The following CPSF4L variants were observed in gnomAD, a reference collection of about 807,000 sequenced individuals.
CPSF4L encodes cleavage and polyadenylation specific factor 4 like, also known as putative cleavage and polyadenylation specificity factor subunit 4-like protein.
Under a neutral mutation model 24.0 loss-of-function variants are expected in CPSF4L, and 18 were observed. The observed-to-expected ratio is 0.75, with a 90% CI of 0.52 to 1.11. The LOEUF (loss-of-function observed/expected upper bound fraction) is 1.11, where lower values mean the gene tolerates loss of function less well. Among genes scored for constraint, CPSF4L ranks in the 50% least tolerant of loss-of-function variants. The pLI is 0.00. For missense variants in CPSF4L, 211 were observed against 221.8 expected, an observed-to-expected ratio of 0.95 and a Z score of 0.31; for synonymous variants, 72 against 77.2, an observed-to-expected ratio of 0.93 and a Z score of 0.35.
chr17:73,258,548 C>T (rs901745318), intron 2 of CPSF4L, among the ~76,000 whole-genome samples: 13 of 151,990 alleles, frequency 8.6e-5, no homozygotes, highest in South Asian at 4.2e-4. Flanking sequence ...GTGATCCATC[C>T]GCCTCAGCCT....
chr17:73,255,751 A>G (rs1214429319), intron 3 of CPSF4L, among the ~76,000 whole-genome samples: 2 of 151,952 alleles, frequency 1.3e-5, no homozygotes, highest in Non-Finnish European at 2.9e-5. Flanking sequence ...AAGTGACATC[A>G]CCCCCTAGGT....
chr17:73,248,250 G>GA (rs2061979092), downstream of CPSF4L: 2 of 492,578 alleles, frequency 4.1e-6, no homozygotes. Flanking sequence ...AGACTCCTCA[G>GA]AACGAATAGT....
chr17:73,246,806 TTTTAG>T (rs1381938025), downstream of CPSF4L, among the ~76,000 whole-genome samples: 1 of 152,190 alleles, frequency 6.6e-6, no homozygotes, highest in Non-Finnish European at 1.5e-5. Flanking sequence ...CATTCAGTTA[TTTTAG>T]TTTAATATTA....
chr17:73,245,254 A>G (rs2061933329), downstream of CPSF4L: 5 of 1,599,830 alleles, frequency 3.1e-6, no homozygotes, highest in East Asian at 2.2e-5. Flanking sequence ...GACGACTGCA[A>G]TACATACTTA....
chr17:73,244,408 C>G (rs2061908307), downstream of CPSF4L: 1 of 151,960 alleles, frequency 6.6e-6, no homozygotes, highest in South Asian at 2.1e-4. Context: ...ACTAAAAATA[C>G]AAAGATTAGC....
downstream of CPSF4L, chr17:73,247,342 G>A: frequency 6.2e-7 from 1 of 1,614,118 alleles, no homozygotes; most frequent in Non-Finnish European, 8.5e-7. Flanking sequence ...TTTGGATTAG[G>A]AAGCACGTTT....
chr17:73,251,918 T>C (rs1253957575), intron 5 of CPSF4L, among the ~76,000 whole-genome samples: 5 of 152,246 alleles, frequency 3.3e-5, no homozygotes, highest in Non-Finnish European at 7.3e-5. Flanking sequence ...AGGAAAGCCT[T>C]GGACTGGTCA....
downstream of CPSF4L, chr17:73,247,956 G>A (rs2061974874): frequency 1.3e-5 from 2 of 154,096 alleles, no homozygotes; most frequent in South Asian, 4.1e-4. Flanking sequence ...AATAATTGAA[G>A]ATGTTTTCTC....
intron 3 of CPSF4L, among the ~76,000 whole-genome samples, chr17:73,256,050 C>T (rs1398238762): frequency 6.6e-6 from 1 of 152,312 alleles, no homozygotes; most frequent in Non-Finnish European, 1.5e-5. Flanking sequence ...ACTGTAAGAA[C>T]AGTAGATTAC....
upstream of CPSF4L, chr17:73,262,077 G>A (rs539307821): frequency 1.0e-3 from 488 of 467,632 alleles, 2 homozygotes; most frequent in Non-Finnish European, 1.5e-3. Context: ...AGGCTCACTC[G>A]GATAGGGAGG....
intron 5 of CPSF4L, chr17:73,250,358 A>T: frequency 1.3e-6 from 2 of 1,547,354 alleles, no homozygotes; most frequent in South Asian, 2.4e-5. Context: ...ATTTCTAAAG[A>T]TGTCTAGGGA....
chr17:73,260,063 T>A (rs570559630), intron 2 of CPSF4L, among the ~76,000 whole-genome samples: 1 of 152,200 alleles, frequency 6.6e-6, no homozygotes, highest in South Asian at 2.1e-4. Context: ...AGGAAGACAG[T>A]ATTGACCCAA....
chr17:73,246,698 C>T (rs2061955082), downstream of CPSF4L, among the ~76,000 whole-genome samples: 1 of 152,198 alleles, frequency 6.6e-6, no homozygotes, highest in Non-Finnish European at 1.5e-5. Context: ...TAATTTAATT[C>T]TGCAACAAAT....
the CPSF4L span, chr17:73,243,077 ATTTTTTT>A: frequency 4.2e-4 from 184 of 438,556 alleles, 2 homozygotes; most frequent in African/African-American, 4.0e-3. Flanking sequence ...GATTCTCTGA[ATTTTTTT>A]TTTTTTTTTT....
chr17:73,250,097 C>T, intron 5 of CPSF4L: 2 of 616,596 alleles, frequency 3.2e-6, no homozygotes, highest in Middle Eastern at 5.4e-4. Context: ...CTTACAGGAT[C>T]AAAAGAAATA....
At chr17:73,244,162 A>T (rs2061902030), downstream of CPSF4L, among the ~76,000 whole-genome samples, 2 of 152,250 alleles carry the variant, frequency 1.3e-5, no homozygotes, top group Admixed American at 1.3e-4. Context: ...TTCATTTCTT[A>T]TTGTATTATT....
At chr17:73,250,795 G>A (rs527729470) in intron 5 of CPSF4L, among the ~76,000 whole-genome samples, 1 of 152,312 alleles carries the variant, frequency 6.6e-6, no homozygotes, top group African/African-American at 2.4e-5. Context: ...CCTTTTGCAG[G>A]AACAGTCTTG....
chr17:73,260,447 A>C (rs2062040868), intron 2 of CPSF4L, among the ~76,000 whole-genome samples: 1 of 152,120 alleles, frequency 6.6e-6, no homozygotes, highest in South Asian at 2.1e-4. Context: ...CCAACCACTT[A>C]TCCTTTGTCT....
chr17:73,253,732 GTCTGCC>G (rs1239193942), intron 4 of CPSF4L, among the ~76,000 whole-genome samples, 193 bp downstream of exon 4: 1 of 152,218 alleles, frequency 6.6e-6, no homozygotes, highest in Non-Finnish European at 1.5e-5. Flanking sequence ...ACCCAAGTCA[GTCTGCC>G]TCAAGCCTGT....
Sources: gnomAD v4.1 joint callset for allele counts (sites outside exome capture counted in the v4.1 genomes callset) on GRCh38, gnomAD v4.1.1 for gene constraint, MANE v1.5 for transcripts, NCBI Gene and HGNC (gene_info 2026-07-23, HGNC 2026-07-21) for gene names.